The following PTN variants were observed in gnomAD, a reference collection of about 807,000 sequenced individuals.
The protein encoded by PTN is heparin affin regulatory protein.
In PTN, 18 loss-of-function variants were observed where a neutral mutation model predicts 24.1. That is an observed-to-expected ratio of 0.75 (90% CI 0.52 to 1.11). The LOEUF (loss-of-function observed/expected upper bound fraction) is 1.11. PTN is among the 50% of genes least tolerant of loss of function. The pLI, the probability that PTN is intolerant of heterozygous loss-of-function variation, is 0.00. For synonymous variants in PTN, 78 were observed against 68.6 expected, an observed-to-expected ratio of 1.14 and a Z score of -0.67; for missense variants, 163 against 198.8, an observed-to-expected ratio of 0.82 and a Z score of 1.08.
At chr7:137,242,030 A>C (rs1033302981) in intron 4 of PTN, among the ~76,000 whole-genome samples, 1 of 152,182 alleles carries the variant, frequency 6.6e-6, no homozygotes, top group Admixed American at 6.5e-5. Flanking sequence ...GGGATGTCAG[A>C]GCCCAGAACA....
chr7:137,281,130 A>G (rs531701159), intron 1 of PTN, among the ~76,000 whole-genome samples: 1 of 152,140 alleles, frequency 6.6e-6, no homozygotes, highest in African/African-American at 2.4e-5. Flanking sequence ...AAGTTATGTT[A>G]GAACAGCCTA....
intron 4 of PTN, among the ~76,000 whole-genome samples, chr7:137,239,855 T>A (rs1808596990): frequency 6.6e-6 from 1 of 152,166 alleles, no homozygotes; most frequent in South Asian, 2.1e-4. Context: ...GGATGCCTTA[T>A]CACAGGAGTG....
intron 4 of PTN, among the ~76,000 whole-genome samples, chr7:137,246,907 C>A (rs1217363114): frequency 2.0e-5 from 3 of 152,184 alleles, no homozygotes; most frequent in Non-Finnish European, 4.4e-5. Flanking sequence ...AGTTGCCTAA[C>A]ATTTCTGAGC....
At chr7:137,277,514 T>C (rs182440205) in intron 1 of PTN, among the ~76,000 whole-genome samples, 2 of 152,292 alleles carry the variant, frequency 1.3e-5, no homozygotes, top group Admixed American at 1.3e-4. Flanking sequence ...AAAATGTCTA[T>C]CAACAGGTAC....
chr7:137,261,151 TTTTATC>T (rs1414432345), intron 1 of PTN, among the ~76,000 whole-genome samples: 6 of 152,136 alleles, frequency 3.9e-5, no homozygotes, highest in Non-Finnish European at 5.9e-5. Context: ...ATCACATTCT[TTTTATC>T]TTTATTGAAG....
At chr7:137,324,458 A>AC (rs1810224431) in intron 1 of PTN, among the ~76,000 whole-genome samples, 1 of 142,252 alleles carries the variant, frequency 7.0e-6, no homozygotes, top group South Asian at 2.2e-4. Flanking sequence ...ATATAAATTA[A>AC]CCTTCCTAAG....
At chr7:137,240,248 G>A (rs2128868999) in intron 4 of PTN, among the ~76,000 whole-genome samples, 1 of 152,258 alleles carries the variant, frequency 6.6e-6, no homozygotes, top group Middle Eastern at 3.4e-3. Flanking sequence ...ACAGCAGTCA[G>A]AGGGAAGGAA....
chr7:137,304,000 G>A (rs902639349), intron 1 of PTN, among the ~76,000 whole-genome samples: 2 of 151,922 alleles, frequency 1.3e-5, no homozygotes. Flanking sequence ...TGTATAAGGT[G>A]GGAAAGCTGC....
intron 4 of PTN, among the ~76,000 whole-genome samples, chr7:137,250,953 T>C (rs1487948093): frequency 6.6e-6 from 1 of 152,260 alleles, no homozygotes. Context: ...ATGGTCATCA[T>C]ACAACTGTCT....
chr7:137,263,625 T>C (rs1809082750), intron 1 of PTN, among the ~76,000 whole-genome samples: 1 of 152,200 alleles, frequency 6.6e-6, no homozygotes, highest in African/African-American at 2.4e-5. Flanking sequence ...AGGCCTATAA[T>C]ATTGTATGAT....
intron 1 of PTN, chr7:137,287,858 T>C (rs1809581726): frequency 6.6e-6 from 1 of 152,282 alleles, no homozygotes; most frequent in African/African-American, 2.4e-5. Context: ...CGCTATTAGA[T>C]GACTTATTTT....
At chr7:137,245,647 G>A (rs1235562678) in intron 4 of PTN, among the ~76,000 whole-genome samples, 2 of 151,950 alleles carry the variant, frequency 1.3e-5, no homozygotes, top group African/African-American at 4.8e-5. Context: ...CTTCAGACAA[G>A]TCCTTCTGGA....
chr7:137,256,157 T>C (rs1410186046), intron 1 of PTN, among the ~76,000 whole-genome samples: 1 of 152,200 alleles, frequency 6.6e-6, no homozygotes, highest in African/African-American at 2.4e-5. Context: ...TGGCATTGTA[T>C]ATGCTGTCTC....
chr7:137,313,847 AACGTAT>A (rs1810024585), intron 1 of PTN, among the ~76,000 whole-genome samples: 2 of 152,172 alleles, frequency 1.3e-5, no homozygotes, highest in Non-Finnish European at 2.9e-5. Flanking sequence ...AATTCAAAAG[AACGTAT>A]ACCTTCTTGG....
chr7:137,306,646 C>T (rs2128879277), intron 1 of PTN, among the ~76,000 whole-genome samples: 1 of 152,098 alleles, frequency 6.6e-6, no homozygotes, highest in East Asian at 1.9e-4. Flanking sequence ...CCAAGGATAA[C>T]AAAAATAGCT....
At chr7:137,281,813 A>G (rs1809479223) in intron 1 of PTN, among the ~76,000 whole-genome samples, 1 of 152,276 alleles carries the variant, frequency 6.6e-6, no homozygotes, top group Non-Finnish European at 1.5e-5. Flanking sequence ...GGAACATTTA[A>G]TAACCAATAT....
intron 1 of PTN, among the ~76,000 whole-genome samples, chr7:137,319,704 C>T (rs1178541693): frequency 6.6e-6 from 1 of 152,224 alleles, no homozygotes; most frequent in Non-Finnish European, 1.5e-5. Context: ...GCCGGACAAA[C>T]TGCCAAGGCT....
chr7:137,342,865 G>A (rs1363443244), intron 1 of PTN, among the ~76,000 whole-genome samples: 8 of 152,042 alleles, frequency 5.3e-5, no homozygotes, highest in Non-Finnish European at 1.2e-4. Flanking sequence ...ACCATTCCTG[G>A]GCTGTCAGGT....
chr7:137,254,090 A>C (rs1808875276), intron 2 of PTN, among the ~76,000 whole-genome samples: 1 of 152,038 alleles, frequency 6.6e-6, no homozygotes, highest in African/African-American at 2.4e-5. Context: ...ACAAGGTCAA[A>C]AGATCGAGAC....
Sources: allele counts gnomAD v4.1 joint callset (sites outside exome capture counted in the v4.1 genomes callset), GRCh38; gene constraint gnomAD v4.1.1; transcripts MANE v1.5; gene names NCBI Gene and HGNC (gene_info 2026-07-23, HGNC 2026-07-21).